Variants in MAGI1 observed in about 807,000 individuals in gnomAD.
MAGI1 encodes the protein membrane-associated guanylate kinase, WW and PDZ domain-containing protein 1.
Under a neutral mutation model 139.9 loss-of-function variants are expected in MAGI1, and 58 were observed. The observed-to-expected ratio is 0.41, with a 90% CI of 0.34 to 0.52. MAGI1 has a LOEUF of 0.52. Ranked by LOEUF, MAGI1 falls within the 20% of genes least tolerant of loss-of-function variation. The pLI, the probability that MAGI1 is intolerant of heterozygous loss-of-function variation, is 0.12. For synonymous variants in MAGI1, 812 were observed against 737.9 expected, an observed-to-expected ratio of 1.10 and a Z score of -1.63; for missense variants, 1,874 against 1,901.6, an observed-to-expected ratio of 0.99 and a Z score of 0.27.
intron 5 of MAGI1, 192 bp downstream of exon 5, chr3:65,470,091 A>T: frequency 2.0e-6 from 1 of 491,720 alleles, no homozygotes; most frequent in South Asian, 3.0e-5. Flanking sequence ...ATGCTTCCTC[A>T]AACTGTTGAG....
intron 10 of MAGI1, among the ~76,000 whole-genome samples, chr3:65,434,043 G>GA: frequency 6.6e-6 from 1 of 151,948 alleles, no homozygotes; most frequent in East Asian, 1.9e-4. Context: ...CTTCCATACC[G>GA]AACAGCATAG....
chr3:65,863,753 CA>C (rs1281648545), intron 1 of MAGI1, among the ~76,000 whole-genome samples: 1 of 152,058 alleles, frequency 6.6e-6, no homozygotes, highest in Admixed American at 6.6e-5. Flanking sequence ...AAACGCAACC[CA>C]AAATGACTTG....
chr3:65,860,079 A>T (rs1263794411), intron 1 of MAGI1, among the ~76,000 whole-genome samples: 1 of 151,952 alleles, frequency 6.6e-6, no homozygotes, highest in African/African-American at 2.4e-5. Context: ...ATTTTTTAGT[A>T]GAGACAGGGT....
At chr3:65,489,746 T>G (rs962787736) in intron 3 of MAGI1, among the ~76,000 whole-genome samples, 4 of 152,230 alleles carry the variant, frequency 2.6e-5, no homozygotes, top group African/African-American at 9.7e-5. Flanking sequence ...AAACGAGATA[T>G]ACATATATGT....
At chr3:65,705,753 A>G (rs1420373220) in intron 1 of MAGI1, among the ~76,000 whole-genome samples, 1 of 152,218 alleles carries the variant, frequency 6.6e-6, no homozygotes, top group Non-Finnish European at 1.5e-5. Flanking sequence ...TCAAATGGCT[A>G]CAAAAGTTTG....
intron 3 of MAGI1, among the ~76,000 whole-genome samples, chr3:65,480,587 T>C (rs1179773417): frequency 2.8e-4 from 2 of 7,044 alleles, no homozygotes; most frequent in African/African-American, 5.1e-4. Context: ...TAAGGTTTCT[T>C]TTTTTTTTTT....
intron 2 of MAGI1, among the ~76,000 whole-genome samples, chr3:65,512,927 A>G (rs2077675255): frequency 6.7e-6 from 1 of 148,326 alleles, no homozygotes; most frequent in African/African-American, 2.5e-5. Flanking sequence ...GGCAAAACGA[A>G]TCCAGCAGCA....
rs145650761 is a variant in MAGI1, at chr3:65,899,208, C to T, written c.313+138788G>A. Among the ~76,000 whole-genome samples, 52 of 152,276 alleles carry T rather than the reference C, an allele frequency of 3.4e-4. No homozygotes were observed. In the East Asian group the frequency reaches 8.7e-3, roughly 25 times the overall value. On this transcript the variant is annotated intron_variant, in intron 1 of 22. Transcript: ENST00000402939. ...CTGGTATTACAGGTGTGACCCACCA[C>T]GCCCAGCCTAAAGGTGTTTTAAGTA...
intron 1 of MAGI1, among the ~76,000 whole-genome samples, chr3:65,623,609 G>C (rs535481396): frequency 5.9e-5 from 9 of 152,112 alleles, no homozygotes; most frequent in Non-Finnish European, 1.0e-4. Context: ...CAGGAGTCAC[G>C]TGAGCTACAA....
intron 1 of MAGI1, among the ~76,000 whole-genome samples, chr3:65,819,984 G>GCAAATATAT: frequency 7.0e-6 from 1 of 141,870 alleles, no homozygotes; most frequent in African/African-American, 2.9e-5. Flanking sequence ...TTTATATTAA[G>GCAAATATAT]CAAATATACT....
chr3:65,921,841 G>A (rs1223732171), intron 1 of MAGI1, among the ~76,000 whole-genome samples: 1 of 151,822 alleles, frequency 6.6e-6, no homozygotes, highest in Non-Finnish European at 1.5e-5. Context: ...AGGAGGTTGA[G>A]GCTGCAGTGA....
At chr3:65,882,934 CAAAA>C (rs10574443) in intron 1 of MAGI1, among the ~76,000 whole-genome samples, 10 of 87,000 alleles carry the variant, frequency 1.1e-4, no homozygotes, top group Non-Finnish European at 2.0e-4. Flanking sequence ...GACCCTGTCT[CAAAA>C]AAAAAAAAAA....
chr3:65,798,609 A>C (rs369040967), intron 1 of MAGI1, among the ~76,000 whole-genome samples: 1 of 152,150 alleles, frequency 6.6e-6, no homozygotes, highest in East Asian at 1.9e-4. Flanking sequence ...TGCTGATTGC[A>C]GTCAAAATAA....
At chr3:65,854,990 T>G (rs1365129830) in intron 1 of MAGI1, among the ~76,000 whole-genome samples, 1 of 152,244 alleles carries the variant, frequency 6.6e-6, no homozygotes, top group African/African-American at 2.4e-5. Flanking sequence ...GTACAACATC[T>G]GCTGGGTATT....
chr3:65,665,523 G>A (rs1275661370), intron 1 of MAGI1, among the ~76,000 whole-genome samples: 2 of 152,132 alleles, frequency 1.3e-5, no homozygotes, highest in Non-Finnish European at 2.9e-5. Context: ...TGAAAGAAAT[G>A]AACATTAAAG....
chr3:65,909,062 T>C (rs181389973), intron 1 of MAGI1, among the ~76,000 whole-genome samples: 1 of 152,292 alleles, frequency 6.6e-6, no homozygotes, highest in African/African-American at 2.4e-5. Context: ...GGAATCAAGT[T>C]AAGGTGTGTC....
intron 1 of MAGI1, among the ~76,000 whole-genome samples, chr3:65,734,460 G>GAAA (rs749370907): frequency 9.1e-6 from 1 of 109,388 alleles, no homozygotes; most frequent in Non-Finnish European, 1.9e-5. Context: ...ACCCTGTCAA[G>GAAA]AAAAAAAAAA....
chr3:65,699,870 A>G (rs1056627133), intron 1 of MAGI1, among the ~76,000 whole-genome samples: 2 of 151,654 alleles, frequency 1.3e-5, no homozygotes, highest in African/African-American at 4.8e-5. Context: ...TAAAACTTAA[A>G]GTATAATAAA....
chr3:65,848,461 G>A (rs2059084913), intron 1 of MAGI1, among the ~76,000 whole-genome samples: 2 of 151,996 alleles, frequency 1.3e-5, no homozygotes, highest in African/African-American at 4.8e-5. Context: ...TGCAATAATG[G>A]GACACTTCCA....
Sources: gnomAD v4.1 joint callset for allele counts (sites outside exome capture counted in the v4.1 genomes callset) on GRCh38, gnomAD v4.1.1 for gene constraint, MANE v1.5 for transcripts, NCBI Gene and HGNC (gene_info 2026-07-23, HGNC 2026-07-21) for gene names.